The following KCNH7 variants were observed in gnomAD, a reference collection of about 807,000 sequenced individuals.
KCNH7 encodes the protein voltage-gated inwardly rectifying potassium channel KCNH7.
A neutral mutation model predicts 120.8 loss-of-function variants in KCNH7; 49 were observed. The ratio of observed to expected loss-of-function variants is 0.41; its 90% confidence interval spans 0.32 to 0.51. The LOEUF (loss-of-function observed/expected upper bound fraction) is 0.51. Among genes scored for constraint, KCNH7 ranks in the 20% least tolerant of loss-of-function variants. The probability of loss-of-function intolerance (pLI) is 0.38; values close to 1 mark genes in which losing one functional copy is unlikely to be tolerated. For synonymous variants in KCNH7, 547 were observed against 516.1 expected, an observed-to-expected ratio of 1.06 and a Z score of -0.81; for missense variants, 1,097 against 1,446.6, an observed-to-expected ratio of 0.76 and a Z score of 3.92.
intron 2 of KCNH7, among the ~76,000 whole-genome samples, chr2:162,577,334 TATC>T (rs748312832): frequency 0.07 from 9,851 of 141,104 alleles, 422 homozygotes; most frequent in South Asian, 0.13. Context: ...TCTATCTGTC[TATC>T]ATCTATCCAT....
chr2:162,522,564 C>G (rs1691569332), intron 3 of KCNH7, among the ~76,000 whole-genome samples: 1 of 151,830 alleles, frequency 6.6e-6, no homozygotes, highest in Non-Finnish European at 1.5e-5. Context: ...GAGTGTAATC[C>G]TGTTATGGAT....
At chr2:162,582,545 T>C (rs1304213580) in intron 2 of KCNH7, among the ~76,000 whole-genome samples, 1 of 152,086 alleles carries the variant, frequency 6.6e-6, no homozygotes. Context: ...TGCAATCTAA[T>C]TTTTCATGAC....
At chr2:162,782,322 G>A (rs754151613) in intron 2 of KCNH7, among the ~76,000 whole-genome samples, 22 of 152,116 alleles carry the variant, frequency 1.4e-4, no homozygotes, top group Non-Finnish European at 2.1e-4. Context: ...TGAAGAGGAA[G>A]TAAGGGGCAC....
chr2:162,639,548 G>T (rs1450780381), intron 2 of KCNH7, among the ~76,000 whole-genome samples: 1 of 151,948 alleles, frequency 6.6e-6, no homozygotes, highest in Non-Finnish European at 1.5e-5. Context: ...TCTTTACCTG[G>T]CCTGTTATGG....
At chr2:162,703,681 A>T (rs1559090311) in intron 2 of KCNH7, among the ~76,000 whole-genome samples, 1 of 152,166 alleles carries the variant, frequency 6.6e-6, no homozygotes, top group African/African-American at 2.4e-5. Flanking sequence ...CTGATTAAAA[A>T]ATACAGAAGC....
At chr2:162,648,747 T>A (rs1030037812) in intron 2 of KCNH7, among the ~76,000 whole-genome samples, 3 of 152,156 alleles carry the variant, frequency 2.0e-5, no homozygotes, top group Non-Finnish European at 4.4e-5. Flanking sequence ...GTCTTAAATA[T>A]TTACTATCTA....
intron 2 of KCNH7, among the ~76,000 whole-genome samples, chr2:162,740,600 G>A (rs1688092104): frequency 6.6e-6 from 1 of 152,158 alleles, no homozygotes; most frequent in Non-Finnish European, 1.5e-5. Context: ...GCTCAACAAC[G>A]GTAATGATGT....
chr2:162,532,144 T>G (rs935803867), intron 3 of KCNH7, among the ~76,000 whole-genome samples: 2 of 151,892 alleles, frequency 1.3e-5, no homozygotes, highest in Non-Finnish European at 2.9e-5. Context: ...GAAAGACAAC[T>G]TACAGACTTT....
intron 2 of KCNH7, among the ~76,000 whole-genome samples, chr2:162,741,210 A>G (rs865800562): frequency 4.1e-5 from 5 of 121,286 alleles, no homozygotes; most frequent in Middle Eastern, 3.8e-3. Context: ...ATACATATTA[A>G]TAACATGTTA....
chr2:162,436,276 C>A (rs1454156873), intron 7 of KCNH7, among the ~76,000 whole-genome samples: 1 of 152,050 alleles, frequency 6.6e-6, no homozygotes, highest in Non-Finnish European at 1.5e-5. Context: ...CCCCTTCTTC[C>A]CATAACTGTG....
intron 2 of KCNH7, among the ~76,000 whole-genome samples, chr2:162,613,248 C>T (rs914946229): frequency 1.7e-4 from 26 of 151,912 alleles, no homozygotes; most frequent in African/African-American, 6.3e-4. Context: ...GGTAGATTTT[C>T]TCCAAAAGAC....
chr2:162,518,150 A>G lies in KCNH7; in HGVS notation c.472T>C (p.Phe158Leu). 1 of 1,607,458 alleles carries G rather than the reference A, an allele frequency of 6.2e-7. No individual in the cohort carries two copies. The highest frequency in any genetic ancestry group is 8.5e-7 in the Non-Finnish European group (1 of 1,176,028). ...LPIKTVNRKFFGFKFPGLRVL... is the reference protein window; with the variant it reads ...LPIKTVNRKFLGFKFPGLRVL... ...CTCAGACCAGGGAATTTGAACCCAA[A>G]AAATTTCCCTATAAATGGAGACAGG... The change falls in exon 4 of 16, where the codon TTT becomes CTT. Residue 158 changes from phenylalanine to leucine, a missense_variant. This residue lies in a region of KCNH7 where 362 missense variants were observed against 372.2 expected (regional missense o/e 0.97). Transcript: ENST00000332142.
chr2:162,654,780 A>C (rs767411017), intron 2 of KCNH7, among the ~76,000 whole-genome samples: 1 of 152,200 alleles, frequency 6.6e-6, no homozygotes, highest in Non-Finnish European at 1.5e-5. Flanking sequence ...ATATATACAC[A>C]ATGGAATACT....
At chr2:162,564,919 T>C (rs1020028963) in intron 2 of KCNH7, among the ~76,000 whole-genome samples, 2 of 152,106 alleles carry the variant, frequency 1.3e-5, no homozygotes, top group Non-Finnish European at 2.9e-5. Context: ...TAAAAATAAC[T>C]CTAATGTTGG....
chr2:162,486,705 T>C (rs1438679383), intron 6 of KCNH7, among the ~76,000 whole-genome samples: 2 of 152,190 alleles, frequency 1.3e-5, no homozygotes, highest in Non-Finnish European at 2.9e-5. Flanking sequence ...GTTGCACATA[T>C]AGCCCACAGT....
intron 4 of KCNH7, among the ~76,000 whole-genome samples, chr2:162,513,397 CCTTCCTTCTTTCCT>C (rs1691170220): frequency 6.9e-6 from 1 of 145,018 alleles, no homozygotes; most frequent in Non-Finnish European, 1.5e-5. Flanking sequence ...CTCCTTCCCT[CCTTCCTTCTTTCCT>C]TCCTTCCCTC....
chr2:162,837,144 T>C (rs1685691107), intron 1 of KCNH7, among the ~76,000 whole-genome samples: 1 of 152,298 alleles, frequency 6.6e-6, no homozygotes, highest in East Asian at 1.9e-4. Context: ...AGTCAAACAG[T>C]GAAACATTCT....
At chr2:162,697,178 A>G (rs1686323627) in intron 2 of KCNH7, among the ~76,000 whole-genome samples, 1 of 152,160 alleles carries the variant, frequency 6.6e-6, no homozygotes, top group Admixed American at 6.6e-5. Context: ...ATCCCTCCTG[A>G]GAAAAGAATA....
At chr2:162,377,202 A>T (rs188026418) in intron 14 of KCNH7, among the ~76,000 whole-genome samples, 1 of 152,216 alleles carries the variant, frequency 6.6e-6, no homozygotes, top group Non-Finnish European at 1.5e-5. Flanking sequence ...TGGAGGTGAA[A>T]GGTTGTTAAA....
Sources: allele counts gnomAD v4.1 joint callset (sites outside exome capture counted in the v4.1 genomes callset), GRCh38; gene constraint gnomAD v4.1.1; regional missense constraint gnomAD v4.1.1; transcripts MANE v1.5; gene names NCBI Gene and HGNC (gene_info 2026-07-23, HGNC 2026-07-21).